The following NTNG1 variants were observed in gnomAD, a reference collection of about 807,000 sequenced individuals.
NTNG1 encodes the protein netrin G1.
In NTNG1, 16 loss-of-function variants were observed where a neutral mutation model predicts 54.0. That is an observed-to-expected ratio of 0.30 (90% confidence interval 0.20 to 0.45). The LOEUF (loss-of-function observed/expected upper bound fraction) is 0.45. Ranked by LOEUF, NTNG1 falls within the 20% of genes least tolerant of loss-of-function variation. The pLI is 1.00. For missense variants in NTNG1, 530 were observed against 678.7 expected (o/e 0.78, Z 2.43); for synonymous variants, 255 against 263.1 (o/e 0.97, Z 0.30).
At chr1:107,240,229 AC>A (rs1410384616) in intron 2 of NTNG1, among the ~76,000 whole-genome samples, 4 of 152,160 alleles carry the variant, frequency 2.6e-5, no homozygotes, top group Non-Finnish European at 5.9e-5. Flanking sequence ...TACTTTGCCA[AC>A]AAACAGTTTT....
At chr1:107,204,961 C>T (rs1473643557) in intron 2 of NTNG1, among the ~76,000 whole-genome samples, 2 of 152,094 alleles carry the variant, frequency 1.3e-5, no homozygotes, top group Admixed American at 6.6e-5. Flanking sequence ...CATCTTGGTC[C>T]AGTTCCTCAC....
At chr1:107,465,030 A>G (rs1189172663) in intron 7 of NTNG1, among the ~76,000 whole-genome samples, 1 of 151,984 alleles carries the variant, frequency 6.6e-6, no homozygotes, top group Non-Finnish European at 1.5e-5. Context: ...CCTTCTCACC[A>G]CAATACAAGA....
At chr1:107,305,201 G>A (rs1285256573) in intron 2 of NTNG1, among the ~76,000 whole-genome samples, 1 of 152,182 alleles carries the variant, frequency 6.6e-6, no homozygotes, top group African/African-American at 2.4e-5. Flanking sequence ...AAACATCCAT[G>A]TGCATGTGTC....
At chr1:107,410,335 G>C (rs1444891722) in intron 5 of NTNG1, 1 of 152,080 alleles carries the variant, frequency 6.6e-6, no homozygotes, top group Non-Finnish European at 1.5e-5. Context: ...GCCAACGCCT[G>C]TATTAAGGTT....
intron 2 of NTNG1, among the ~76,000 whole-genome samples, chr1:107,190,498 A>G (rs1315764918): frequency 3.3e-5 from 5 of 152,128 alleles, no homozygotes; most frequent in African/African-American, 7.2e-5. Context: ...ACATATGTAT[A>G]CATGTGCCAT....
intron 7 of NTNG1, among the ~76,000 whole-genome samples, chr1:107,456,017 T>A (rs911151199): frequency 1.3e-5 from 2 of 152,120 alleles, no homozygotes; most frequent in Non-Finnish European, 2.9e-5. Context: ...GATGCACCCA[T>A]TTCGAGAAGG....
At chr1:107,458,496 CTT>C (rs1310328053) in intron 7 of NTNG1, among the ~76,000 whole-genome samples, 12 of 152,138 alleles carry the variant, frequency 7.9e-5, no homozygotes, top group Admixed American at 3.9e-4. Flanking sequence ...AGGTCACTGC[CTT>C]CATTGACCAT....
intron 2 of NTNG1, among the ~76,000 whole-genome samples, chr1:107,228,511 G>A (rs1287167823): frequency 1.3e-5 from 2 of 152,104 alleles, no homozygotes; most frequent in Non-Finnish European, 1.5e-5. Flanking sequence ...TTATTCCAGA[G>A]TCTTGAAGTC....
chr1:107,222,954 A>G (rs1660445738), intron 2 of NTNG1, among the ~76,000 whole-genome samples: 1 of 152,072 alleles, frequency 6.6e-6, no homozygotes, highest in African/African-American at 2.4e-5. Context: ...TAGATGGGAG[A>G]AAGGCATGAA....
intron 2 of NTNG1, among the ~76,000 whole-genome samples, chr1:107,188,422 A>T (rs529675010): frequency 2.8e-4 from 42 of 152,166 alleles, no homozygotes; most frequent in African/African-American, 9.6e-4. Context: ...TAAGTAATAT[A>T]CCCCCTATTA....
At chr1:107,393,617 C>T (rs570583335) in intron 3 of NTNG1, among the ~76,000 whole-genome samples, 1 of 151,860 alleles carries the variant, frequency 6.6e-6, no homozygotes, top group Non-Finnish European at 1.5e-5. Context: ...AATAGACCCC[C>T]GAGAAAGCTG....
intron 3 of NTNG1, among the ~76,000 whole-genome samples, chr1:107,326,268 T>C (rs1338965447): frequency 6.6e-6 from 1 of 152,114 alleles, no homozygotes; most frequent in Non-Finnish European, 1.5e-5. Context: ...TTCCTAAAAT[T>C]TTGACCAAGA....
chr1:107,392,496 G>A (rs1336166749), intron 3 of NTNG1, among the ~76,000 whole-genome samples: 1 of 152,052 alleles, frequency 6.6e-6, no homozygotes, highest in African/African-American at 2.4e-5. Context: ...TCCTGAAAAC[G>A]AGCTTGGGTA....
chr1:107,225,539 CTG>C (rs1196366752), intron 2 of NTNG1, among the ~76,000 whole-genome samples: 1 of 152,136 alleles, frequency 6.6e-6, no homozygotes, highest in African/African-American at 2.4e-5. Context: ...ACTTTACTAT[CTG>C]TGAGCTCCTG....
At chr1:107,384,131 T>C (rs1671814560) in intron 3 of NTNG1, among the ~76,000 whole-genome samples, 2 of 152,208 alleles carry the variant, frequency 1.3e-5, no homozygotes, top group Non-Finnish European at 2.9e-5. Flanking sequence ...TGCACCAATC[T>C]TGAGCAGTTC....
chr1:107,375,853 T>A (rs542088125), intron 3 of NTNG1, among the ~76,000 whole-genome samples: 1 of 152,224 alleles, frequency 6.6e-6, no homozygotes, highest in African/African-American at 2.4e-5. Context: ...ACTTTTTTGC[T>A]CTTTTAACTG....
intron 3 of NTNG1, among the ~76,000 whole-genome samples, chr1:107,333,139 G>A (rs1323183144): frequency 6.6e-6 from 1 of 151,882 alleles, no homozygotes; most frequent in Non-Finnish European, 1.5e-5. Context: ...CTGATATTGT[G>A]CTATAAATAT....
chr1:107,480,806 C>T lies in NTNG1; in HGVS notation c.1586C>T (p.Thr529Met). The change falls in exon 8 of 8, where the codon ACG (threonine) becomes ATG (methionine). Residue 529 changes from threonine (T) to methionine (M), a missense_variant. Physicochemically the swap from Thr to Met is moderately conservative, Grantham distance 81 (BLOSUM62 -1). This residue lies in a region of NTNG1 where 212 missense variants were observed against 213.6 expected (regional missense o/e 0.99). Transcript: ENST00000370068. ...TCCCCAGCGCTGCTGCTGCTGACCA[C>T]GCTGCTGGGAACCGCCAGCCCCCTG... Reference protein sequence around the residue: ...HGSPALLLLTTLLGTASPLVF With the variant: ...HGSPALLLLTMLLGTASPLVF 1.3e-6 allele frequency: 2 copies of T among 1,580,706 alleles called. No homozygotes were observed. Among genetic ancestry groups the T allele is most frequent in the Non-Finnish European group, 8.6e-7 (1 of 1,163,844 alleles).
At chr1:107,186,598 T>C (rs2101160796) in intron 2 of NTNG1, among the ~76,000 whole-genome samples, 1 of 152,208 alleles carries the variant, frequency 6.6e-6, no homozygotes, top group East Asian at 1.9e-4. Flanking sequence ...AAGTAAGGCA[T>C]TAAAGTAAAG....
Sources: allele counts gnomAD v4.1 joint callset (sites outside exome capture counted in the v4.1 genomes callset), GRCh38; gene constraint gnomAD v4.1.1; regional missense constraint gnomAD v4.1.1; transcripts MANE v1.5; gene names NCBI Gene and HGNC (gene_info 2026-07-23, HGNC 2026-07-21).